The following ARHGAP6 variants were observed in gnomAD, a reference collection of about 807,000 sequenced individuals.
ARHGAP6 encodes rho GTPase-activating protein 6.
Under a neutral mutation model 55.7 loss-of-function variants are expected in ARHGAP6, and 16 were observed. The ratio of observed to expected loss-of-function variants is 0.29; its 90% confidence interval spans 0.19 to 0.44. The LOEUF is 0.44. ARHGAP6 is among the 20% of genes least tolerant of loss of function. The pLI, the probability that ARHGAP6 is intolerant of heterozygous loss-of-function variation, is 1.00. For missense variants in ARHGAP6, 698 were observed against 808.9 expected (o/e 0.86, Z 1.66); for synonymous variants, 382 against 360.9 (o/e 1.06, Z -0.66).
intron 2 of ARHGAP6, among the ~76,000 whole-genome samples, chrX:11,214,326 A>G (rs1212014943): frequency 9.1e-6 from 1 of 110,405 alleles, no homozygotes; most frequent in African/African-American, 3.3e-5. Context: ...TACCCTCCAA[A>G]GGCAACTTCA....
intron 2 of ARHGAP6, among the ~76,000 whole-genome samples, chrX:11,236,920 A>C (rs1311705887): frequency 8.9e-6 from 1 of 112,447 alleles, no homozygotes; most frequent in Admixed American, 9.4e-5. Context: ...TGCCTTTGCA[A>C]CATGAGAGAT....
chrX:11,401,919 T>A (rs1401782496), intron 1 of ARHGAP6, among the ~76,000 whole-genome samples: 1 of 112,252 alleles, frequency 8.9e-6, no homozygotes, highest in Non-Finnish European at 1.9e-5. Context: ...ATATAAATAA[T>A]TGAAGGAGAT....
At chrX:11,231,867 A>G (rs2047134786) in intron 2 of ARHGAP6, among the ~76,000 whole-genome samples, 1 of 112,382 alleles carries the variant, frequency 8.9e-6, no homozygotes, top group Non-Finnish European at 1.9e-5. Flanking sequence ...TATCTGTGTC[A>G]GAGGGTTACT....
At chrX:11,171,032 T>A (rs960749593) in intron 8 of ARHGAP6, among the ~76,000 whole-genome samples, 1 of 111,190 alleles carries the variant, frequency 9.0e-6, no homozygotes, top group African/African-American at 3.3e-5. Context: ...TGAGCCACAG[T>A]TGCAGAAGTG....
rs781177381 is a variant in ARHGAP6, at chrX:11,511,204, G to T, written c.588+153037C>A. On this transcript the variant is annotated intron_variant, in intron 1 of 12. Transcript: ENST00000337414. ...GAATGGGTTATACAAGCCTGCTATT[G>T]TATCATATTGCCAGGGATTCTTGAG... 8.0e-5 allele frequency among the ~76,000 whole-genome samples: 9 copies of T among 112,199 alleles called. 1 individual carries two copies. The highest frequency in any genetic ancestry group is 1.7e-4 in the Non-Finnish European group (9 of 53,240).
intron 1 of ARHGAP6, among the ~76,000 whole-genome samples, chrX:11,387,866 C>T (rs957471034): frequency 9.9e-5 from 11 of 111,626 alleles, no homozygotes; most frequent in African/African-American, 3.6e-4. Context: ...ATCCATGTCC[C>T]TACAAAGGAC....
rs150695230 is a variant in ARHGAP6 at position 11,143,315 on chromosome X, T to C, written c.2176+665A>G. ...TGCACACAAGATTACACAGCAAGTA[T>C]TATCGAGTGCGTATTACATTTGAAG... On this transcript the variant is annotated intron_variant, in intron 11 of 12. Transcript: ENST00000337414. The C allele has an allele frequency of 4.8e-3, 548 of 113,946 alleles. 5 individuals carry two copies. The highest frequency in any genetic ancestry group is 6.9e-3 in the Non-Finnish European group (378 of 54,780). 9.4% of individuals were successfully genotyped at this position (113,946 alleles called of 1,213,427 possible).
chrX:11,437,130 CA>C (rs1350239834), intron 1 of ARHGAP6, among the ~76,000 whole-genome samples: 1 of 111,083 alleles, frequency 9.0e-6, no homozygotes, highest in Non-Finnish European at 1.9e-5. Context: ...GACTTTATAA[CA>C]AATCTAGATG....
intron 1 of ARHGAP6, among the ~76,000 whole-genome samples, chrX:11,443,259 T>C (rs1336383862): frequency 9.0e-6 from 1 of 111,380 alleles, no homozygotes; most frequent in Non-Finnish European, 1.9e-5. Context: ...AAGTATTCCA[T>C]CATATGAATA....
At chrX:11,190,460 G>GATATATATATAT (rs535056484) in intron 3 of ARHGAP6, among the ~76,000 whole-genome samples, 1 of 76,977 alleles carries the variant, frequency 1.3e-5, no homozygotes, top group Non-Finnish European at 2.5e-5. Context: ...ACCCTGAGGA[G>GATATATATATAT]ATATATATAT....
intron 1 of ARHGAP6, among the ~76,000 whole-genome samples, chrX:11,478,772 C>T (rs893292411): frequency 8.9e-6 from 1 of 111,798 alleles, no homozygotes; most frequent in Non-Finnish European, 1.9e-5. Flanking sequence ...CTTAATTTCT[C>T]ATTTTCATAG....
chrX:11,384,099 A>G (rs899971060), intron 1 of ARHGAP6, among the ~76,000 whole-genome samples: 3 of 111,701 alleles, frequency 2.7e-5, no homozygotes, highest in South Asian at 3.8e-4. Context: ...CACAAAAACC[A>G]TGTGAGAGAA....
intron 1 of ARHGAP6, among the ~76,000 whole-genome samples, chrX:11,417,414 C>T (rs755417593): frequency 1.2e-4 from 13 of 108,565 alleles, no homozygotes; most frequent in East Asian, 2.9e-4. Flanking sequence ...ATTTTGAATG[C>T]GGTAGTGGAT....
intron 2 of ARHGAP6, among the ~76,000 whole-genome samples, chrX:11,232,381 G>A (rs1271961028): frequency 9.0e-6 from 1 of 111,339 alleles, no homozygotes; most frequent in Non-Finnish European, 1.9e-5. Context: ...AGCACTTTGG[G>A]AGGCTGAGGC....
intron 12 of ARHGAP6, among the ~76,000 whole-genome samples, chrX:11,140,454 C>T (rs1314001169): frequency 1.9e-5 from 2 of 103,893 alleles, no homozygotes; most frequent in Non-Finnish European, 4.0e-5. Context: ...AAAAACTAAA[C>T]GAATGCCTTC....
intron 1 of ARHGAP6, among the ~76,000 whole-genome samples, chrX:11,393,207 G>A (rs956496919): frequency 3.6e-5 from 4 of 111,047 alleles, no homozygotes; most frequent in Non-Finnish European, 5.7e-5. Context: ...AGCAATTTAA[G>A]TTTTTTAGTC....
At chrX:11,406,006 T>C (rs924192188) in intron 1 of ARHGAP6, among the ~76,000 whole-genome samples, 1 of 111,206 alleles carries the variant, frequency 9.0e-6, no homozygotes, top group Non-Finnish European at 1.9e-5. Flanking sequence ...CTCGCTCAAG[T>C]GATCCTCCCG....
intron 8 of ARHGAP6, among the ~76,000 whole-genome samples, chrX:11,171,606 G>T (rs950636574): frequency 1.8e-5 from 2 of 112,356 alleles, no homozygotes; most frequent in African/African-American, 6.5e-5. Flanking sequence ...ATTCCTACAA[G>T]TTGAATTGTT....
chrX:11,426,857 TCCTGCAGTA>T (rs1370352740), intron 1 of ARHGAP6, among the ~76,000 whole-genome samples: 1 of 110,358 alleles, frequency 9.1e-6, no homozygotes, highest in East Asian at 2.8e-4. Context: ...CTGTTGTGTT[TCCTGCAGTA>T]CCTGCAGCAC....
Sources: gnomAD v4.1 joint callset for allele counts (sites outside exome capture counted in the v4.1 genomes callset) on GRCh38, gnomAD v4.1.1 for gene constraint, MANE v1.5 for transcripts, NCBI Gene and HGNC (gene_info 2026-07-23, HGNC 2026-07-21) for gene names.